Variants in P3H1 observed in about 807,000 individuals in gnomAD.
The protein encoded by P3H1 is prolyl 3-hydroxylase 1, also known as growth suppressor 1.
P3H1 carries 69 observed loss-of-function variants against 84.0 expected under a neutral mutation model. The observed-to-expected ratio is 0.82, with a 90% CI of 0.68 to 1.00. The LOEUF is 1.00. P3H1 is among the 50% of genes least tolerant of loss of function. The pLI is 0.00. For synonymous variants in P3H1, 366 were observed against 388.8 expected (o/e 0.94, Z 0.69); for missense variants, 878 against 962.8 (o/e 0.91, Z 1.17).
chr1:42,751,568 A>ATAAATAAT (rs1652081420), intron 10 of P3H1: 1 of 89,734 alleles, frequency 1.1e-5, no homozygotes, highest in Non-Finnish European at 3.0e-5. Context: ...TGATCAATAA[A>ATAAATAAT]AAAAAAATAA....
chr1:42,764,628 C>T (rs946391477), intron 1 of P3H1, among the ~76,000 whole-genome samples: 9 of 152,030 alleles, frequency 5.9e-5, no homozygotes, highest in Non-Finnish European at 1.3e-4. Context: ...AATATGCAGC[C>T]TGTAATACAT....
rs1178994589 is a variant in P3H1, at chr1:42,766,907, G to C, written c.65C>G (p.Ala22Gly). ...LLAVVAAASQ[A>G]EVESEAGWGM... ...CCATCCTGCCTCGGACTCGACCTCG[G>C]CTTGGGAGGCAGCGGCCACGACAGC... The change falls in exon 1 of 15, where the codon GCC (alanine) becomes GGC (glycine). Residue 22 changes from alanine to glycine, a missense_variant. By Grantham distance (60) the Ala-to-Gly change is moderately conservative. Transcript: ENST00000296388. The C allele has an allele frequency of 6.2e-7, 1 of 1,609,180 alleles. No homozygotes were observed. The highest frequency in any genetic ancestry group is 8.5e-7 in the Non-Finnish European group (1 of 1,179,808).
In P3H1 at chr1:42,752,500, C is replaced by A. The variant is rs535824899; in HGVS notation, c.1473+37G>T. ...GGGCACTTGGTGGGGGGATGCTGGACCCTTGGGGGAAGGTGCAGTCACTGG... is the reference window on the plus strand; with the variant it reads ...GGGCACTTGGTGGGGGGATGCTGGAACCTTGGGGGAAGGTGCAGTCACTGG... On this transcript the variant is annotated intron_variant, in intron 9 of 14. Coordinates refer to ENST00000296388, the MANE Select transcript of P3H1 (RefSeq NM_022356.4). 32 of 1,613,856 alleles carry A rather than the reference C, an allele frequency of 2.0e-5. No homozygotes were observed. In the African/African-American group the frequency reaches 2.0e-4, roughly 10 times the overall value.
chr1:42,766,498 G>A lies in P3H1; in HGVS notation c.465+9C>T, dbSNP rs1013144349. ...GACCCCGGCCGCCTGGTTCCAGGCA[G>A]GTCTGCACCTTGAAGTAGGCGACCT... On this transcript the variant is annotated intron_variant, in intron 1 of 14. Transcript: ENST00000296388. 3.7e-6 allele frequency: 6 copies of A among 1,601,052 alleles called. No homozygotes were observed. The highest frequency in any genetic ancestry group is 1.3e-5 in the African/African-American group (1 of 74,670).
Position 42,754,240 on chromosome 1 carries a change from T to G in P3H1, c.1345+629A>C, listed in dbSNP as rs1652263163. ...GGTGCAGATAGGAGGTGCCAGGGCC[T>G]GAAGGAAGCCTGAGGCAATGAAAAA... On this transcript the variant is annotated intron_variant, in intron 8 of 14. Transcript: ENST00000296388. This position sits in a 1 kb window ranked among gnomAD's most constrained non-coding sequence, Gnocchi z 4.0. Among the ~76,000 whole-genome samples the G allele has an allele frequency of 6.6e-6, 1 of 151,978 alleles. No individual in the cohort carries two copies. Among genetic ancestry groups the G allele is most frequent in the Admixed American group, 6.6e-5 (1 of 15,264 alleles).
intron 10 of P3H1, 146 bp from the exon 11 acceptor site, chr1:42,750,482 A>C: frequency 1.2e-6 from 1 of 857,144 alleles, no homozygotes; most frequent in Admixed American, 2.0e-5. Context: ...ATGGGGGTGG[A>C]TCTTTCCCGT....
At chr1:42,748,524 G>A in intron 11 of P3H1, 1 of 612,414 alleles carries the variant, frequency 1.6e-6, no homozygotes. Flanking sequence ...AGTGAGCAGG[G>A]TGTGGCAAGC....
rs141786883 is a variant in P3H1 at position 42,752,582 on chromosome 1, G to A, written c.1428C>T (p.Gly476=). 2.9e-4 allele frequency: 466 copies of A among 1,614,158 alleles called. 4 individuals are homozygous for A. The East Asian group carries it at 7.8e-3, about 27-fold the overall frequency. The change falls in exon 9 of 15, where the codon GGC becomes GGT. Residue 476 remains glycine, a synonymous_variant. Transcript: ENST00000296388. ...CCTGACACTCGTGGTCAGAGATTAC[G>A]CCGTCCATCACCACCCGCTGGGAAC... ...LNGSQRVVMD[G]VISDHECQEL... is the part of the protein sequence containing the mutation.
At chr1:42,763,499 CCG>C (rs1403625998) in intron 1 of P3H1, among the ~76,000 whole-genome samples, 1 of 151,174 alleles carries the variant, frequency 6.6e-6, no homozygotes, top group Non-Finnish European at 1.5e-5. Flanking sequence ...TGGTGAAACC[CCG>C]TCTCTACTAA....
intron 12 of P3H1, among the ~76,000 whole-genome samples, 192 bp downstream of exon 12, chr1:42,748,008 T>G (rs1651828109): frequency 6.6e-6 from 1 of 152,182 alleles, no homozygotes; most frequent in South Asian, 2.1e-4. Flanking sequence ...CTACCGTTCT[T>G]GTCACACCAC....
At chr1:42,750,068 A>C in intron 11 of P3H1, 118 bp downstream of exon 11, 1 of 1,245,670 alleles carries the variant, frequency 8.0e-7, no homozygotes, top group Non-Finnish European at 1.1e-6. Flanking sequence ...ATGTATTTAC[A>C]TTGGTTCCCC....
At chr1:42,762,277 A>G (rs1375221737) in intron 2 of P3H1, 46 bp downstream of exon 2, 2 of 1,593,660 alleles carry the variant, frequency 1.3e-6, no homozygotes, top group South Asian at 1.1e-5. Flanking sequence ...TCTCTAAAAT[A>G]AATTTAAAAA....
intron 2 of P3H1, chr1:42,762,071 C>T (rs1652746651): frequency 2.2e-6 from 1 of 459,542 alleles, no homozygotes; most frequent in Non-Finnish European, 4.0e-6. Flanking sequence ...ATACAATGAA[C>T]ATTCATTACT....
At position 42,759,321 on chromosome 1, in the gene P3H1, C is replaced by CCT. The variant is rs1362896647; in HGVS notation, c.686_687dup (p.Ala230ArgfsTer108). 2 of 1,614,174 alleles carry CCT rather than the reference C, an allele frequency of 1.2e-6. No homozygotes were observed. On this transcript the variant is annotated frameshift_variant, in exon 3 of 15. Coordinates refer to ENST00000296388, the MANE Select transcript of P3H1 (RefSeq NM_022356.4). LOFTEE classifies it high-confidence loss of function. ...GCCACAAAGTATTCTTGCAGCGCCG[C>CCT]CTCTAGGTGGGGCACAGCTTCCTGT...
At chr1:42,747,198 A>G (rs3738496) in intron 14 of P3H1, 74 bp downstream of exon 14, 2 of 1,614,116 alleles carry the variant, frequency 1.2e-6, no homozygotes, top group South Asian at 1.1e-5. Flanking sequence ...GGGGAAGAGA[A>G]AGGCAAACCA....
At chr1:42,759,497 G>T in intron 2 of P3H1, 107 bp from the exon 3 acceptor site, 1 of 918,482 alleles carries the variant, frequency 1.1e-6, no homozygotes, top group Non-Finnish European at 1.7e-6. Flanking sequence ...CTCAGGTTAT[G>T]GATGGAAAGG....
At chr1:42,751,071 C>T (rs1652044880) in intron 10 of P3H1, among the ~76,000 whole-genome samples, 1 of 130,528 alleles carries the variant, frequency 7.7e-6, no homozygotes, top group Non-Finnish European at 1.6e-5. Flanking sequence ...GGAGGTGTGC[C>T]CAGCGGCTCA....
chr1:42,748,253 G>C lies in P3H1; in HGVS notation c.1785C>G (p.Ala595=), dbSNP rs369763531. The C allele has an allele frequency of 6.2e-7, 1 of 1,613,860 alleles. No homozygotes were observed. Among genetic ancestry groups the C allele is most frequent in the African/African-American group, 1.3e-5 (1 of 74,880 alleles). ...GCTCTTTGACACACACGAGGGTCTCGGCATTCAGGATGCAGTTGTCCACGT... is the reference window on the plus strand; with the variant it reads ...GCTCTTTGACACACACGAGGGTCTCCGCATTCAGGATGCAGTTGTCCACGT... ...PVHVDNCILN[A]ETLVCVKEPP... is the part of the protein sequence containing the mutation. The change falls in exon 12 of 15, where the codon GCC becomes GCG. Residue 595 remains alanine (A), a synonymous_variant. Transcript: ENST00000296388.
At chr1:42,752,096 A>G (rs1472004080) in intron 10 of P3H1, among the ~76,000 whole-genome samples, 178 bp downstream of exon 10, 1 of 152,242 alleles carries the variant, frequency 6.6e-6, no homozygotes, top group African/African-American at 2.4e-5. Context: ...TCGGTCTAAC[A>G]GGATTCAAAA....
Sources: gnomAD v4.1 joint callset for allele counts (sites outside exome capture counted in the v4.1 genomes callset) on GRCh38, gnomAD v4.1.1 for gene constraint, Gnocchi (gnomAD v3.1) non-coding constraint, MANE v1.5 for transcripts, NCBI Gene and HGNC (gene_info 2026-07-23, HGNC 2026-07-21) for gene names.